The following RMDN2 variants were observed in gnomAD, a reference collection of about 807,000 sequenced individuals.
RMDN2 encodes the protein regulator of microtubule dynamics 2.
RMDN2 carries 61 observed loss-of-function variants against 52.8 expected under a neutral mutation model. The observed-to-expected ratio is 1.16, with a 90% CI of 0.94 to 1.43. The LOEUF is 1.43. Among genes scored for constraint, RMDN2 ranks in the 40% most tolerant of loss-of-function variants. The pLI, the probability that RMDN2 is intolerant of heterozygous loss-of-function variation, is 0.00. For missense variants in RMDN2, 592 were observed against 475.3 expected (o/e 1.25, Z -2.28); for synonymous variants, 180 against 153.1 (o/e 1.18, Z -1.30).
chr2:37,958,355 C>T (rs763373237), intron 2 of RMDN2, among the ~76,000 whole-genome samples: 2 of 143,602 alleles, frequency 1.4e-5, no homozygotes, highest in Admixed American at 1.3e-4. Context: ...TGAAGAAGTC[C>T]TTCACATCCC....
intron 1 of RMDN2, among the ~76,000 whole-genome samples, chr2:37,927,340 A>T (rs1666360327): frequency 6.6e-6 from 1 of 152,212 alleles, no homozygotes; most frequent in Non-Finnish European, 1.5e-5. Context: ...TCACTGGGTA[A>T]GTGACTTGAC....
chr2:37,929,578 C>G lies in RMDN2; in HGVS notation c.301C>G (p.Pro101Ala). 6.4e-7 allele frequency: 1 copy of G among 1,551,764 alleles called. No homozygotes were observed. The highest frequency in any genetic ancestry group is 2.4e-5 in the East Asian group (1 of 40,910). The change falls in exon 2 of 11, where the codon CCA becomes GCA. Residue 101 changes from proline to alanine, a missense_variant. Physicochemically the swap from Pro to Ala is conservative, Grantham distance 27 (BLOSUM62 -1). Coordinates refer to ENST00000354545, the MANE Select transcript of RMDN2 (RefSeq NM_001170791.3). ...AATCAGATTTCTTAAAGAAGCTATT[C>G]CAAAGCTGGAGGAATATATACAAGA... ...EEIRFLKEAI[P>A]KLEEYIQDEL...
chr2:37,993,517 A>G (rs76375810), intron 7 of RMDN2, among the ~76,000 whole-genome samples: 1 of 135,114 alleles, frequency 7.4e-6, no homozygotes, highest in Non-Finnish European at 1.5e-5. Context: ...GAACCTACAG[A>G]AAAAAAAAAA....
intron 2 of RMDN2, among the ~76,000 whole-genome samples, chr2:37,942,547 A>T (rs898861173): frequency 3.3e-5 from 5 of 152,240 alleles, no homozygotes; most frequent in African/African-American, 1.2e-4. Context: ...TATGAGCAGT[A>T]TATGAGAATT....
intron 10 of RMDN2, among the ~76,000 whole-genome samples, chr2:38,023,727 T>C (rs563306544): frequency 6.6e-6 from 1 of 152,352 alleles, no homozygotes; most frequent in African/African-American, 2.4e-5. Context: ...CCCCTCAACC[T>C]ATGTTTTGCT....
At chr2:37,937,782 A>T (rs1449315097) in intron 2 of RMDN2, among the ~76,000 whole-genome samples, 1 of 152,154 alleles carries the variant, frequency 6.6e-6, no homozygotes, top group Non-Finnish European at 1.5e-5. Flanking sequence ...GCTTAAGGAG[A>T]TTTGGGGCTG....
intron 3 of RMDN2, chr2:37,974,598 C>G (rs1572888408): frequency 6.7e-6 from 1 of 148,696 alleles, no homozygotes. Flanking sequence ...AGTGTTGGGT[C>G]TGAATAAGAA....
chr2:38,055,499 G>A (rs1681825520), intron 10 of RMDN2, among the ~76,000 whole-genome samples: 1 of 152,136 alleles, frequency 6.6e-6, no homozygotes, highest in African/African-American at 2.4e-5. Context: ...CACTTTGGAG[G>A]AAAATCAGAA....
chr2:38,020,939 C>A (rs542508540), downstream of RMDN2, among the ~76,000 whole-genome samples: 1 of 152,342 alleles, frequency 6.6e-6, no homozygotes, highest in East Asian at 1.9e-4. Context: ...GTGGCCGGGT[C>A]TGGGATCCAC....
intron 2 of RMDN2, among the ~76,000 whole-genome samples, chr2:37,946,539 A>T (rs780664672): frequency 6.6e-6 from 1 of 152,218 alleles, no homozygotes; most frequent in African/African-American, 2.4e-5. Flanking sequence ...ATGATACATT[A>T]TCATGAAGTA....
At chr2:38,059,632 G>T (rs1040771919) in intron 10 of RMDN2, among the ~76,000 whole-genome samples, 1 of 152,162 alleles carries the variant, frequency 6.6e-6, no homozygotes, top group African/African-American at 2.4e-5. Flanking sequence ...AGCTTGTGGG[G>T]GCAGGCTAAG....
At chr2:38,059,485 G>A (rs1239514821) in intron 10 of RMDN2, among the ~76,000 whole-genome samples, 2 of 152,196 alleles carry the variant, frequency 1.3e-5, no homozygotes, top group Non-Finnish European at 2.9e-5. Context: ...CTGGGAACTG[G>A]AGTGGGGACG....
intron 10 of RMDN2, among the ~76,000 whole-genome samples, chr2:38,016,179 C>T (rs922501159): frequency 2.0e-5 from 3 of 152,140 alleles, no homozygotes; most frequent in Non-Finnish European, 4.4e-5. Context: ...ACTGAATGCT[C>T]GGCATCAGAT....
chr2:37,992,257 T>C (rs1674902153), intron 7 of RMDN2, among the ~76,000 whole-genome samples: 1 of 152,222 alleles, frequency 6.6e-6, no homozygotes, highest in Non-Finnish European at 1.5e-5. Context: ...AATTCCAAAA[T>C]TTATGCTCTT....
rs1365393659 is a variant in RMDN2, at chr2:37,991,351, G to T, written c.945+54G>T. On this transcript the variant is annotated intron_variant, in intron 7 of 10. Coordinates refer to ENST00000354545, the MANE Select transcript of RMDN2 (RefSeq NM_001170791.3). ...TTATTTGAATATACTATGATTATAGGATAAATTTTCAATGACTTATTGTTT... is the reference window on the plus strand; with the variant it reads ...TTATTTGAATATACTATGATTATAGTATAAATTTTCAATGACTTATTGTTT... The T allele has an allele frequency of 4.5e-6, 4 of 884,430 alleles. No individual in the cohort carries two copies. The African/African-American group carries it at 7.0e-5, about 15-fold the overall frequency. The allele number at this position is 884,430 out of a possible 1,614,324, so 54.8% of individuals were successfully genotyped here.
intron 2 of RMDN2, among the ~76,000 whole-genome samples, chr2:37,938,100 G>A (rs1482770947): frequency 1.3e-5 from 2 of 152,134 alleles, no homozygotes; most frequent in Non-Finnish European, 2.9e-5. Flanking sequence ...TTAGCATGAA[G>A]GGGTGTTTTG....
At chr2:37,964,900 C>A (rs1459880240) in intron 2 of RMDN2, among the ~76,000 whole-genome samples, 1 of 151,794 alleles carries the variant, frequency 6.6e-6, no homozygotes, top group African/African-American at 2.4e-5. Flanking sequence ...TCAGTGTTTG[C>A]TTCATATATT....
intron 2 of RMDN2, among the ~76,000 whole-genome samples, chr2:37,963,844 C>T (rs1321982963): frequency 1.3e-4 from 19 of 149,246 alleles, no homozygotes; most frequent in African/African-American, 2.5e-4. Flanking sequence ...ACCTACCAGA[C>T]GGGGTGGCGG....
chr2:38,046,177 A>G (rs1254379088), intron 10 of RMDN2, among the ~76,000 whole-genome samples: 1 of 152,236 alleles, frequency 6.6e-6, no homozygotes, highest in Non-Finnish European at 1.5e-5. Flanking sequence ...AAGAACTTTC[A>G]AGACAGTAAA....
Sources: gnomAD v4.1 joint callset for allele counts (sites outside exome capture counted in the v4.1 genomes callset) on GRCh38, gnomAD v4.1.1 for gene constraint, MANE v1.5 for transcripts, NCBI Gene and HGNC (gene_info 2026-07-23, HGNC 2026-07-21) for gene names.